Variants in C8A observed in about 807,000 individuals in gnomAD.
C8A encodes complement component C8 alpha chain.
C8A carries 67 observed loss-of-function variants against 65.3 expected under a neutral mutation model. The observed-to-expected ratio is 1.03, with a 90% CI of 0.84 to 1.26. C8A has a LOEUF of 1.26. C8A is among the 50% of genes most tolerant of loss of function. The pLI is 0.00. For missense variants in C8A, 781 were observed against 723.9 expected (o/e 1.08, Z -0.90); for synonymous variants, 290 against 259.4 (o/e 1.12, Z -1.13).
At chr1:56,889,657 C>T (rs1039694522) in intron 7 of C8A, among the ~76,000 whole-genome samples, 2 of 152,120 alleles carry the variant, frequency 1.3e-5, no homozygotes, top group African/African-American at 4.8e-5. Context: ...ACATTCATGT[C>T]TGCAAAGGAC....
At chr1:56,864,800 T>C (rs1481431632) in intron 1 of C8A, among the ~76,000 whole-genome samples, 1 of 152,166 alleles carries the variant, frequency 6.6e-6, no homozygotes, top group African/African-American at 2.4e-5. Context: ...TCTCAAAGTG[T>C]GTTCTTTAGA....
At chr1:56,898,546 C>G (rs1030964909) in intron 7 of C8A, among the ~76,000 whole-genome samples, 1 of 152,108 alleles carries the variant, frequency 6.6e-6, no homozygotes, top group Non-Finnish European at 1.5e-5. Context: ...CTGGTTTATG[C>G]TTATTCATCC....
chr1:56,917,461 C>A, intron 10 of C8A, 104 bp from the exon 11 acceptor site: 1 of 1,197,848 alleles, frequency 8.3e-7, no homozygotes, highest in Non-Finnish European at 1.2e-6. Context: ...GAGGCCAGTT[C>A]CTCTCCCAAG....
intron 9 of C8A, among the ~76,000 whole-genome samples, chr1:56,910,734 C>G (rs889687375): frequency 2.0e-5 from 3 of 152,212 alleles, no homozygotes; most frequent in African/African-American, 7.2e-5. Context: ...AACCCCTGAC[C>G]ACAGGCCAAA....
At chr1:56,869,374 T>C (rs537481826) in intron 2 of C8A, among the ~76,000 whole-genome samples, 1 of 152,352 alleles carries the variant, frequency 6.6e-6, no homozygotes, top group Non-Finnish European at 1.5e-5. Context: ...GGTTGAGTAG[T>C]ATTCCATGGT....
At chr1:56,885,269 T>A (rs995487830) in intron 6 of C8A, among the ~76,000 whole-genome samples, 7 of 144,482 alleles carry the variant, frequency 4.8e-5, no homozygotes, top group Non-Finnish European at 9.0e-5. Flanking sequence ...CGTGTTTATA[T>A]ATAAATATAT....
At chr1:56,903,518 A>C (rs1423885606) in intron 7 of C8A, among the ~76,000 whole-genome samples, 2 of 152,170 alleles carry the variant, frequency 1.3e-5, no homozygotes, top group African/African-American at 4.8e-5. Flanking sequence ...GGACTAATAC[A>C]CTTGGTCAGT....
intron 10 of C8A, 98 bp downstream of exon 10, chr1:56,912,723 C>G: frequency 1.9e-6 from 2 of 1,075,600 alleles, no homozygotes; most frequent in Admixed American, 2.0e-5. Flanking sequence ...CCTTTTGGAG[C>G]TCTCCTAGCC....
In C8A at chr1:56,917,992, A is replaced by T; in HGVS notation, c.*276A>T. 1 of 338,902 alleles carries T rather than the reference A, an allele frequency of 3.0e-6. No individual in the cohort carries two copies. Among genetic ancestry groups the T allele is most frequent in the Non-Finnish European group, 5.4e-6 (1 of 184,554 alleles). The allele number at this position is 338,902 out of a possible 1,614,324, so 21.0% of individuals were successfully genotyped here. A position where few individuals can be genotyped will look rare whatever the true frequency, so the allele number is the denominator to read the frequency against. ...TTGGATCATCAAAAAAATAAAGTAA[A>T]ATAGAAAACTGAGAAAACTCAATCC... On this transcript the variant is annotated 3_prime_UTR_variant, in exon 11 of 11. Transcript: ENST00000361249.
Position 56,917,413 on chromosome 1 carries a change from T to C in C8A, c.1604-152T>C, listed in dbSNP as rs1337283832. 9 of 749,596 alleles carry C rather than the reference T, an allele frequency of 1.2e-5. No individual in the cohort carries two copies. In the Admixed American group the frequency reaches 1.8e-4, roughly 15 times the overall value. The allele number at this position is 749,596 out of a possible 1,614,324, so 46.4% of individuals were successfully genotyped here. On this transcript the variant is annotated intron_variant, in intron 10 of 10. Coordinates refer to ENST00000361249, the MANE Select transcript of C8A (RefSeq NM_000562.3). ...GCAAAGACCCTATGTACCTTATCTG[T>C]ACGTACCTCCAACAAGCTGCAGTCG...
intron 1 of C8A, among the ~76,000 whole-genome samples, chr1:56,866,301 G>T (rs1201239570): frequency 6.6e-6 from 1 of 152,166 alleles, no homozygotes; most frequent in Non-Finnish European, 1.5e-5. Flanking sequence ...TAATAGGTTT[G>T]TTATTGTAAT....
In C8A at chr1:56,881,526, T is replaced by C. The variant is rs1485134116; in HGVS notation, c.546T>C (p.Asn182=). ...GGGGCCAGTGTGAGACGGTATACAA[T>C]GGGGAATGGAGGGAGCTTCGATATG... ...YYGGQCETVY[N]GEWRELRYDS... Residue 182 remains asparagine, a synonymous_variant, in exon 5 of 11, where the codon AAT becomes AAC. Coordinates refer to ENST00000361249, the MANE Select transcript of C8A (RefSeq NM_000562.3). 1 of 1,613,714 alleles carries C rather than the reference T, an allele frequency of 6.2e-7. No homozygotes were observed. The highest frequency in any genetic ancestry group is 8.5e-7 in the Non-Finnish European group (1 of 1,179,764).
intron 7 of C8A, among the ~76,000 whole-genome samples, chr1:56,888,233 A>C (rs1171491925): frequency 6.6e-6 from 1 of 152,190 alleles, no homozygotes; most frequent in East Asian, 1.9e-4. Flanking sequence ...CACTCAACAC[A>C]GGGGTTAATA....
intron 4 of C8A, 96 bp downstream of exon 4, chr1:56,876,305 G>A (rs1160861438): frequency 6.7e-7 from 1 of 1,482,504 alleles, no homozygotes; most frequent in African/African-American, 1.4e-5. Context: ...ATTTTGGAGG[G>A]TTCCTCTGGA....
At chr1:56,862,552 C>T (rs1385892420) in intron 1 of C8A, among the ~76,000 whole-genome samples, 2 of 152,184 alleles carry the variant, frequency 1.3e-5, no homozygotes, top group African/African-American at 4.8e-5. Flanking sequence ...TCCCCGACCC[C>T]AGTGCATATC....
At chr1:56,915,405 G>A (rs576623641) in intron 10 of C8A, among the ~76,000 whole-genome samples, 125 of 152,234 alleles carry the variant, frequency 8.2e-4, no homozygotes, top group African/African-American at 2.9e-3. Context: ...TGGAAAAAAG[G>A]CACTGCTTGG....
At chr1:56,892,770 C>T (rs1644357795) in intron 7 of C8A, among the ~76,000 whole-genome samples, 1 of 152,110 alleles carries the variant, frequency 6.6e-6, no homozygotes, top group African/African-American at 2.4e-5. Context: ...TAGATAGGAC[C>T]TGATACATTT....
At chr1:56,906,833 GC>G in intron 8 of C8A, 41 bp downstream of exon 8, 2 of 1,613,416 alleles carry the variant, frequency 1.2e-6, no homozygotes, top group Non-Finnish European at 1.7e-6. Flanking sequence ...GAGAAGCCAG[GC>G]TTTCCTTTGG....
At chr1:56,869,534 C>A (rs2101204526) in intron 2 of C8A, among the ~76,000 whole-genome samples, 1 of 152,134 alleles carries the variant, frequency 6.6e-6, no homozygotes, top group African/African-American at 2.4e-5. Flanking sequence ...AGGTAGATAC[C>A]CAGTAGTGAG....
Sources: allele counts gnomAD v4.1 joint callset (sites outside exome capture counted in the v4.1 genomes callset), GRCh38; gene constraint gnomAD v4.1.1; transcripts MANE v1.5; gene names NCBI Gene and HGNC (gene_info 2026-07-23, HGNC 2026-07-21).